ERBB4: variants seen among roughly 807,000 people sequenced by gnomAD.
ERBB4 encodes the protein receptor tyrosine-protein kinase erbB-4.
In ERBB4, 42 loss-of-function variants were observed where a neutral mutation model predicts 158.0. The observed-to-expected ratio is 0.27, with a 90% CI of 0.21 to 0.34. ERBB4 has a LOEUF of 0.34. Among genes scored for constraint, ERBB4 ranks in the 10% least tolerant of loss-of-function variants. The pLI is 1.00. For synonymous variants in ERBB4, 583 were observed against 558.7 expected, an observed-to-expected ratio of 1.04 and a Z score of -0.61; for missense variants, 1,333 against 1,624.1, an observed-to-expected ratio of 0.82 and a Z score of 3.08.
intron 2 of ERBB4, among the ~76,000 whole-genome samples, chr2:212,001,069 C>G (rs1014661088): frequency 6.6e-6 from 1 of 151,934 alleles, no homozygotes; most frequent in African/African-American, 2.4e-5. Flanking sequence ...GGTTTCCCAA[C>G]ATGTAAATTT....
At chr2:211,440,789 T>C (rs1349300755) in intron 20 of ERBB4, among the ~76,000 whole-genome samples, 1 of 152,206 alleles carries the variant, frequency 6.6e-6, no homozygotes, top group Non-Finnish European at 1.5e-5. Flanking sequence ...TGAATACTTT[T>C]ATGTAAGTGT....
In ERBB4 at chr2:211,430,982, T is replaced by C. The variant is rs769514330; in HGVS notation, c.2606A>G (p.Glu869Gly). The change falls in exon 21 of 28, where the codon GAA (glutamate) becomes GGA (glycine). Residue 869 changes from glutamate (E) to glycine (G), a missense_variant. Glu to Gly is a moderately conservative substitution (Grantham distance 98). Transcript: ENST00000342788. ...AGCATTGTACTCTTTTTCATCTCCT[T>C]CCAAGAGTCTGGCTAGCCCAAAATC... is the stretch of plus-strand genomic sequence containing the variant. ...ITDFGLARLL[E>G]GDEKEYNADG... 3.7e-6 allele frequency: 6 copies of C among 1,613,882 alleles called. 1 individual carries two copies. In the South Asian group the frequency reaches 6.6e-5, roughly 18 times the overall value.
At chr2:212,297,229 T>C (rs995178433) in intron 1 of ERBB4, among the ~76,000 whole-genome samples, 14 of 152,060 alleles carry the variant, frequency 9.2e-5, no homozygotes, top group Admixed American at 7.9e-4. Context: ...TAATCCACTT[T>C]AGATTATCCA....
At chr2:211,387,230 A>G (rs2062705573) in intron 26 of ERBB4, 80 bp from the exon 27 acceptor site, 1 of 1,133,334 alleles carries the variant, frequency 8.8e-7, no homozygotes. Flanking sequence ...CCACAAGGAT[A>G]TCAAAGCCAG....
At chr2:211,759,712 T>A (rs2075362846) in intron 4 of ERBB4, among the ~76,000 whole-genome samples, 1 of 152,146 alleles carries the variant, frequency 6.6e-6, no homozygotes, top group Non-Finnish European at 1.5e-5. Context: ...TTATTTCTAA[T>A]AGATGTTCAA....
At chr2:212,406,572 T>C (rs2091350041) in intron 1 of ERBB4, among the ~76,000 whole-genome samples, 1 of 152,106 alleles carries the variant, frequency 6.6e-6, no homozygotes, top group Non-Finnish European at 1.5e-5. Flanking sequence ...AAGGACTAAA[T>C]GATTTAAGAT....
At chr2:211,844,008 T>C (rs10932407) in intron 3 of ERBB4, among the ~76,000 whole-genome samples, 33,014 of 151,936 alleles carry the variant, frequency 0.22, 3,709 homozygotes, top group South Asian at 0.33. Flanking sequence ...AGTTTATTAT[T>C]AATGCTGATG....
At chr2:211,403,403 G>T (rs2063084555) in intron 25 of ERBB4, among the ~76,000 whole-genome samples, 1 of 152,054 alleles carries the variant, frequency 6.6e-6, no homozygotes, top group Admixed American at 6.6e-5. Flanking sequence ...TTATACCACA[G>T]GTTCTTATCT....
chr2:212,301,001 T>C (rs1467556806), intron 1 of ERBB4, among the ~76,000 whole-genome samples: 1 of 151,574 alleles, frequency 6.6e-6, no homozygotes, highest in East Asian at 1.9e-4. Flanking sequence ...TGATGTCCTT[T>C]ATTAAACAAG....
chr2:211,695,132 C>A (rs1285987334), intron 12 of ERBB4, among the ~76,000 whole-genome samples: 1 of 152,082 alleles, frequency 6.6e-6, no homozygotes, highest in African/African-American at 2.4e-5. Flanking sequence ...ATATATTAAG[C>A]AAACACTGTT....
chr2:211,807,812 T>G (rs1264601856), intron 3 of ERBB4, among the ~76,000 whole-genome samples: 4 of 152,240 alleles, frequency 2.6e-5, no homozygotes, highest in East Asian at 3.9e-4. Context: ...TTTAATGATC[T>G]CCATTGTAAC....
intron 1 of ERBB4, among the ~76,000 whole-genome samples, chr2:212,253,510 G>C (rs373362831): frequency 7.2e-5 from 11 of 151,748 alleles, no homozygotes; most frequent in Non-Finnish European, 1.5e-4. Flanking sequence ...ATGTTCATAG[G>C]AATCACTTAA....
intron 1 of ERBB4, among the ~76,000 whole-genome samples, chr2:212,143,821 G>T (rs2080568537): frequency 6.6e-6 from 1 of 151,904 alleles, no homozygotes; most frequent in South Asian, 2.1e-4. Context: ...TTCGAGACTA[G>T]CTTGGCCAAT....
At chr2:212,253,102 T>C (rs1333481086) in intron 1 of ERBB4, among the ~76,000 whole-genome samples, 4 of 151,834 alleles carry the variant, frequency 2.6e-5, no homozygotes, top group East Asian at 1.9e-4. Context: ...CAAATGTCTG[T>C]AGATTTATTC....
At chr2:211,638,635 T>G (rs562903953) in intron 16 of ERBB4, among the ~76,000 whole-genome samples, 1 of 152,140 alleles carries the variant, frequency 6.6e-6, no homozygotes, top group Non-Finnish European at 1.5e-5. Context: ...CTAAGCAAAT[T>G]TGAATGTTTT....
intron 1 of ERBB4, among the ~76,000 whole-genome samples, chr2:212,507,843 G>A (rs1252443496): frequency 6.6e-6 from 1 of 152,196 alleles, no homozygotes; most frequent in Non-Finnish European, 1.5e-5. Context: ...AGTTGAAAAA[G>A]CAGCAGCAGG....
intron 1 of ERBB4, among the ~76,000 whole-genome samples, chr2:212,289,075 A>G (rs1214800262): frequency 6.6e-6 from 1 of 152,120 alleles, no homozygotes; most frequent in Non-Finnish European, 1.5e-5. Context: ...AACACCAGAA[A>G]GAACTACCTA....
chr2:211,811,956 G>A (rs1451279542), intron 3 of ERBB4, among the ~76,000 whole-genome samples: 2 of 152,082 alleles, frequency 1.3e-5, no homozygotes, highest in Non-Finnish European at 2.9e-5. Context: ...TAGCTTCCTT[G>A]TGATGGGTTC....
At chr2:211,860,019 T>G (rs56040753) in intron 3 of ERBB4, among the ~76,000 whole-genome samples, 32,285 of 152,108 alleles carry the variant, frequency 0.21, 3,576 homozygotes, top group South Asian at 0.33. Context: ...CTGTAATTGT[T>G]TAAAAACATA....
Sources: gnomAD v4.1 joint callset for allele counts (sites outside exome capture counted in the v4.1 genomes callset) on GRCh38, gnomAD v4.1.1 for gene constraint, MANE v1.5 for transcripts, NCBI Gene and HGNC (gene_info 2026-07-23, HGNC 2026-07-21) for gene names.